Variants in P4HA1 observed in about 807,000 individuals in gnomAD.
The protein encoded by P4HA1 is prolyl 4-hydroxylase subunit alpha 1.
Under a neutral mutation model 72.8 loss-of-function variants are expected in P4HA1, and 24 were observed. The observed-to-expected ratio is 0.33, with a 90% confidence interval of 0.24 to 0.46. P4HA1 has a LOEUF of 0.46. Ranked by LOEUF, P4HA1 falls within the 20% of genes least tolerant of loss-of-function variation. The pLI is 1.00. For missense variants in P4HA1, 446 were observed against 640.6 expected, an observed-to-expected ratio of 0.70 and a Z score of 3.28; for synonymous variants, 201 against 218.8, an observed-to-expected ratio of 0.92 and a Z score of 0.72.
chr10:73,013,963 G>A (rs1406912010), intron 12 of P4HA1, among the ~76,000 whole-genome samples: 1 of 152,104 alleles, frequency 6.6e-6, no homozygotes, highest in Non-Finnish European at 1.5e-5. Context: ...TAAACAGAGA[G>A]ACTATATGTT....
chr10:73,068,444 T>C (rs1429288789), intron 5 of P4HA1, among the ~76,000 whole-genome samples: 1 of 152,192 alleles, frequency 6.6e-6, no homozygotes, highest in Non-Finnish European at 1.5e-5. Context: ...TTTAAACATA[T>C]GTGGATACCC....
intron 11 of P4HA1, among the ~76,000 whole-genome samples, chr10:73,015,192 GAATT>G (rs376497770): frequency 1.3e-4 from 20 of 152,032 alleles, no homozygotes; most frequent in African/African-American, 4.3e-4. Context: ...TCAAGCTAAA[GAATT>G]AATATCTAAA....
chr10:73,021,530 T>C (rs2133046457), intron 10 of P4HA1, among the ~76,000 whole-genome samples: 1 of 152,322 alleles, frequency 6.6e-6, no homozygotes, highest in African/African-American at 2.4e-5. Context: ...CTGGAGTTCA[T>C]TATATTAGTA....
intron 10 of P4HA1, among the ~76,000 whole-genome samples, chr10:73,022,074 C>A (rs1486599171): frequency 1.3e-5 from 2 of 152,240 alleles, no homozygotes; most frequent in African/African-American, 2.4e-5. Context: ...CATAGCTGAA[C>A]AAAAGCCAGC....
chr10:73,008,256 A>C lies in P4HA1; in HGVS notation c.1571T>G (p.Phe524Cys). The C allele has an allele frequency of 1.9e-6, 3 of 1,609,216 alleles. No individual in the cohort carries two copies. Among genetic ancestry groups the C allele is most frequent in the Non-Finnish European group, 2.6e-6 (3 of 1,175,806 alleles). Residue 524 changes from phenylalanine (F) to cysteine (C), a missense_variant, in exon 15 of 15, where the codon TTT (phenylalanine) becomes TGT (cysteine). Phe to Cys is a radical substitution (Grantham distance 205). Transcript: ENST00000394890. ...NKWLHERGQE[F>C]RRPCTLSELE ...TTCTGACAACGTACAAGGTCTTCGA[A>C]ATTCTTGTCCACGTTCATGGAGCCA... is the stretch of plus-strand genomic sequence containing the variant.
chr10:73,080,698 AG>A (rs1841802755), intron 1 of P4HA1, among the ~76,000 whole-genome samples: 1 of 152,120 alleles, frequency 6.6e-6, no homozygotes, highest in Non-Finnish European at 1.5e-5. Flanking sequence ...AGAAGCGGGC[AG>A]GCAGATTGCT....
intron 7 of P4HA1, among the ~76,000 whole-genome samples, chr10:73,049,424 C>G (rs1481056490): frequency 6.6e-6 from 1 of 152,176 alleles, no homozygotes; most frequent in African/African-American, 2.4e-5. Context: ...AAAACTAATA[C>G]CACATGAAAT....
rs2133097041 is a variant in P4HA1, at chr10:73,051,175, T to C, written c.778A>G (p.Lys260Glu). 6.2e-7 allele frequency: 1 copy of C among 1,610,470 alleles called. No homozygotes were observed. Among genetic ancestry groups the C allele is most frequent in the South Asian group, 1.1e-5 (1 of 91,014 alleles). Residue 260 changes from lysine to glutamate, a missense_variant, in exon 7 of 15, where the codon AAG (lysine) becomes GAG (glutamate). Coordinates refer to ENST00000394890, the MANE Select transcript of P4HA1 (RefSeq NM_001017962.3). ...YIMAKEKDVN[K>E]SASDDQSDQK... is the part of the protein sequence containing the mutation. Reference sequence around the variant, plus strand: ...TCAGATTGGTCATCTGAAGCAGACTTATTGACATCTTTTTCTTTAGCCATT... The same window carrying C: ...TCAGATTGGTCATCTGAAGCAGACTCATTGACATCTTTTTCTTTAGCCATT...
chr10:73,023,543 T>C (rs1299274939), intron 10 of P4HA1, among the ~76,000 whole-genome samples: 1 of 152,068 alleles, frequency 6.6e-6, no homozygotes, highest in Admixed American at 6.5e-5. Context: ...TGCAAAAACA[T>C]GCCAAATTAT....
Position 73,007,386 on chromosome 10 carries a change from C to T in P4HA1, c.*836G>A, listed in dbSNP as rs1839816799. The T allele has an allele frequency of 6.6e-6, 1 of 152,464 alleles. No homozygotes were observed. The highest frequency in any genetic ancestry group is 2.1e-4 in the South Asian group (1 of 4,820). 9.4% of individuals were successfully genotyped at this position (152,464 alleles called of 1,614,324 possible). A position where few individuals can be genotyped will look rare whatever the true frequency, so the allele number is the denominator to read the frequency against. On this transcript the variant is annotated 3_prime_UTR_variant, in exon 15 of 15. Transcript: ENST00000394890. ...TTTTTAAACTTCCAGTCTCCTAAGG[C>T]ACAGTATTTAATCAGAATGCCAATA...
intron 10 of P4HA1, among the ~76,000 whole-genome samples, chr10:73,021,941 G>A (rs550031758): frequency 2.0e-5 from 3 of 152,174 alleles, no homozygotes; most frequent in Non-Finnish European, 4.4e-5. Flanking sequence ...CTGGAGGAGG[G>A]GTGTCCACCA....
chr10:73,061,201 G>A (rs193174560), intron 5 of P4HA1, among the ~76,000 whole-genome samples: 3 of 152,276 alleles, frequency 2.0e-5, no homozygotes, highest in South Asian at 2.1e-4. Flanking sequence ...AGTGGGACAG[G>A]ACATTAGGTG....
At chr10:73,089,085 G>T (rs577490512) in intron 1 of P4HA1, among the ~76,000 whole-genome samples, 2 of 152,164 alleles carry the variant, frequency 1.3e-5, no homozygotes, top group African/African-American at 4.8e-5. Flanking sequence ...AGAAGAGTAG[G>T]TATCTTAATA....
At chr10:73,074,678 C>A in intron 2 of P4HA1, 130 bp downstream of exon 2, 6 of 590,922 alleles carry the variant, frequency 1.0e-5, no homozygotes, top group East Asian at 3.2e-5. Flanking sequence ...AAAAAAGGAC[C>A]TTTTAGGGGG....
chr10:73,058,188 G>A (rs551715595), intron 5 of P4HA1, among the ~76,000 whole-genome samples: 11 of 150,692 alleles, frequency 7.3e-5, no homozygotes, highest in Admixed American at 4.6e-4. Flanking sequence ...CATGGGACGC[G>A]CTCTAGCAGG....
At chr10:73,008,342 T>TTTAA (rs759580295) in intron 14 of P4HA1, 50 bp from the exon 15 acceptor site, 5 of 1,144,392 alleles carry the variant, frequency 4.4e-6, no homozygotes, top group Non-Finnish European at 6.5e-6. Context: ...CTAATCAGTA[T>TTTAA]TTAATTAGTT....
intron 9 of P4HA1, chr10:73,043,895 T>A: frequency 1.2e-6 from 2 of 1,607,648 alleles, no homozygotes. Flanking sequence ...ACCTCTTAGA[T>A]ACTCTGTACT....
chr10:73,030,689 AAC>A (rs1249431927), intron 9 of P4HA1, among the ~76,000 whole-genome samples: 2 of 152,190 alleles, frequency 1.3e-5, no homozygotes, highest in Non-Finnish European at 2.9e-5. Flanking sequence ...TTCTTTAAAA[AAC>A]CATACCAAAC....
chr10:73,011,010 T>C lies in P4HA1; in HGVS notation c.1396A>G (p.Thr466Ala). Reference protein sequence around the residue: ...YMSDVSAGGATVFPEVGASVW... With the variant: ...YMSDVSAGGAAVFPEVGASVW... ...CTAGCTCCAACTTCAGGAAAAACAG[T>C]GGCTCCTCCTGCAGACACATCACTC... The change falls in exon 13 of 15, where the codon ACT (threonine) becomes GCT (alanine). Residue 466 changes from threonine (T) to alanine (A), a missense_variant. Physicochemically the swap from Thr to Ala is moderately conservative, Grantham distance 58. Coordinates refer to ENST00000394890, the MANE Select transcript of P4HA1 (RefSeq NM_001017962.3). 1.9e-6 allele frequency: 3 copies of C among 1,613,762 alleles called. No individual in the cohort carries two copies. Among genetic ancestry groups the C allele is most frequent in the Non-Finnish European group, 2.5e-6 (3 of 1,179,720 alleles).
Sources: gnomAD v4.1 joint callset for allele counts (sites outside exome capture counted in the v4.1 genomes callset) on GRCh38, gnomAD v4.1.1 for gene constraint, MANE v1.5 for transcripts, NCBI Gene and HGNC (gene_info 2026-07-23, HGNC 2026-07-21) for gene names.